The following FOXK2 variants were observed in gnomAD, a reference collection of about 807,000 sequenced individuals.
The protein encoded by FOXK2 is forkhead box protein K2.
In FOXK2, 24 loss-of-function variants were observed where a neutral mutation model predicts 53.3. The ratio of observed to expected loss-of-function variants is 0.45; its 90% CI spans 0.33 to 0.63. The LOEUF (loss-of-function observed/expected upper bound fraction) is 0.63, where lower values mean the gene tolerates loss of function less well. Ranked by LOEUF, FOXK2 falls within the 30% of genes least tolerant of loss-of-function variation. The pLI, the probability that FOXK2 is intolerant of heterozygous loss-of-function variation, is 0.03. For synonymous variants in FOXK2, 505 were observed against 407.1 expected (o/e 1.24, Z -2.89); for missense variants, 952 against 910.5 (o/e 1.05, Z -0.59).
At chr17:82,563,212 A>G (rs2044816146) in intron 1 of FOXK2, 142 bp from the exon 2 acceptor site, 1 of 752,390 alleles carries the variant, frequency 1.3e-6, no homozygotes, top group African/African-American at 1.8e-5. Flanking sequence ...TTGTTTGGCG[A>G]CTTATAATAA....
At chr17:82,583,221 C>T (rs2045085710) in intron 5 of FOXK2, among the ~76,000 whole-genome samples, 1 of 152,230 alleles carries the variant, frequency 6.6e-6, no homozygotes, top group South Asian at 2.1e-4. Context: ...GACGTTTTTC[C>T]TTTCCCTTGG....
At position 82,582,879 on chromosome 17, in the gene FOXK2, C is replaced by T; in HGVS notation, c.1048C>T (p.Arg350Ter). 1 of 1,613,142 alleles carries T rather than the reference C, an allele frequency of 6.2e-7. No individual in the cohort carries two copies. The highest frequency in any genetic ancestry group is 8.5e-7 in the Non-Finnish European group (1 of 1,179,864). Residue 350 changes from arginine to a stop codon, truncating the protein, a stop_gained, in exon 5 of 9, where the codon CGA (arginine) becomes TGA (stop). Transcript: ENST00000335255. LOFTEE classifies it high-confidence loss of function. The stretch of plus-strand genomic sequence containing the variant: ...ATTAATAGAACAGGCTTTTAGGAAA[C>T]GACGGCCTAGGGGCGTGCCCTGCTT... Reference protein sequence around the residue: ...SKLIEQAFRKRRPRGVPCFRT... With the variant: ...SKLIEQAFRK
chr17:82,581,222 A>G (rs982534000), intron 4 of FOXK2, among the ~76,000 whole-genome samples: 32 of 152,346 alleles, frequency 2.1e-4, no homozygotes, highest in African/African-American at 7.2e-4. Flanking sequence ...AAATGTTTCT[A>G]TGAACCCATG....
At chr17:82,523,367 G>C (rs536564461) in intron 1 of FOXK2, among the ~76,000 whole-genome samples, 11 of 151,982 alleles carry the variant, frequency 7.2e-5, no homozygotes, top group Non-Finnish European at 1.3e-4. Flanking sequence ...TTCCTTTTTT[G>C]TAAGGTATCA....
At chr17:82,531,048 T>C (rs556981628) in intron 1 of FOXK2, among the ~76,000 whole-genome samples, 1 of 152,296 alleles carries the variant, frequency 6.6e-6, no homozygotes, top group East Asian at 1.9e-4. Context: ...GTTCCCACTT[T>C]GCCAAGCTTC....
chr17:82,583,927 C>G, intron 5 of FOXK2, 86 bp from the exon 6 acceptor site: 2 of 1,404,408 alleles, frequency 1.4e-6, no homozygotes, highest in Non-Finnish European at 9.6e-7. Flanking sequence ...ATGACACCCC[C>G]TTTGCAAAGT....
intron 8 of FOXK2, among the ~76,000 whole-genome samples, chr17:82,592,170 G>A (rs2045259022): frequency 6.6e-6 from 1 of 152,238 alleles, no homozygotes; most frequent in Admixed American, 6.5e-5. Flanking sequence ...CTCCCAAAGT[G>A]CTGGGATTAC....
Position 82,587,260 on chromosome 17 carries a change from C to A in FOXK2, c.1774C>A (p.Gln592Lys). 1 of 1,612,730 alleles carries A rather than the reference C, an allele frequency of 6.2e-7. No individual in the cohort carries two copies. The highest frequency in any genetic ancestry group is 8.5e-7 in the Non-Finnish European group (1 of 1,179,756). ...ATCAGTCCCCACTGCGGTCCACGGCCAGGTGAACAATGGTAAGACATGCTG... is the reference window on the plus strand; with the variant it reads ...ATCAGTCCCCACTGCGGTCCACGGCAAGGTGAACAATGGTAAGACATGCTG... ...VASVPTAVHG[Q>K]VNNAAASPLH... is the part of the protein sequence containing the mutation. The change falls in exon 8 of 9, where the codon CAG (glutamine) becomes AAG (lysine). Residue 592 changes from glutamine (Q) to lysine (K), a missense_variant. Physicochemically the swap from Gln to Lys is moderately conservative, Grantham distance 53. Coordinates refer to ENST00000335255, the MANE Select transcript of FOXK2 (RefSeq NM_004514.4).
chr17:82,587,598 G>T (rs2045203560), intron 8 of FOXK2: 3 of 395,226 alleles, frequency 7.6e-6, no homozygotes, highest in South Asian at 4.4e-5. Flanking sequence ...CTTTTCCCTT[G>T]GCCTCGCGCG....
At chr17:82,521,037 G>A (rs2044357021) in intron 1 of FOXK2, among the ~76,000 whole-genome samples, 1 of 152,150 alleles carries the variant, frequency 6.6e-6, no homozygotes, top group South Asian at 2.1e-4. Context: ...AATTTAGCTT[G>A]GTCCTGTGGT....
At chr17:82,539,479 T>G (rs1413713858) in intron 1 of FOXK2, among the ~76,000 whole-genome samples, 1 of 151,734 alleles carries the variant, frequency 6.6e-6, no homozygotes, top group Non-Finnish European at 1.5e-5. Flanking sequence ...GGACCCTGTC[T>G]CTACAAAAAA....
intron 1 of FOXK2, among the ~76,000 whole-genome samples, chr17:82,522,014 G>T (rs1304495606): frequency 6.7e-6 from 1 of 148,976 alleles, no homozygotes. Context: ...TCAATGGTAG[G>T]GTCCTAATGG....
At chr17:82,545,432 AT>A (rs1277971136) in intron 1 of FOXK2, among the ~76,000 whole-genome samples, 1 of 152,212 alleles carries the variant, frequency 6.6e-6, no homozygotes, top group African/African-American at 2.4e-5. Flanking sequence ...GCTATTGGCC[AT>A]TCTCATTACT....
chr17:82,547,343 A>T (rs191376308), intron 1 of FOXK2, among the ~76,000 whole-genome samples: 3 of 152,158 alleles, frequency 2.0e-5, no homozygotes, highest in Non-Finnish European at 4.4e-5. Flanking sequence ...AGTATTGTCT[A>T]CACTAACAAG....
chr17:82,530,615 A>G (rs778973625), intron 1 of FOXK2, among the ~76,000 whole-genome samples: 9 of 150,938 alleles, frequency 6.0e-5, no homozygotes, highest in African/African-American at 2.2e-4. Context: ...GGTTCAAACA[A>G]TTCTCCTGCC....
chr17:82,533,659 A>G (rs574841947), intron 1 of FOXK2, among the ~76,000 whole-genome samples: 54 of 152,292 alleles, frequency 3.5e-4, no homozygotes, highest in Non-Finnish European at 5.0e-4. Flanking sequence ...TCATTGCACT[A>G]TGACATCACA....
chr17:82,586,147 T>G lies in FOXK2; in HGVS notation c.1523T>G (p.Leu508Arg). ...GQAVVTPAAVLAPPKAEAQEN... is the reference protein window; with the variant it reads ...GQAVVTPAAVRAPPKAEAQEN... ...GCTGTGGTCACCCCGGCAGCCGTGC[T>G]GGCCCCTCCTAAGGCAGAGGCCCAG... is the stretch of plus-strand genomic sequence containing the variant. Residue 508 changes from leucine to arginine, a missense_variant, in exon 7 of 9, where the codon CTG becomes CGG. Leu to Arg is a moderately radical substitution (Grantham distance 102). Coordinates refer to ENST00000335255, the MANE Select transcript of FOXK2 (RefSeq NM_004514.4). The G allele has an allele frequency of 6.2e-7, 1 of 1,612,354 alleles. No homozygotes were observed. The highest frequency in any genetic ancestry group is 8.5e-7 in the Non-Finnish European group (1 of 1,179,870).
intron 1 of FOXK2, among the ~76,000 whole-genome samples, chr17:82,522,280 C>T (rs2044371033): frequency 6.6e-6 from 1 of 151,888 alleles, no homozygotes; most frequent in Non-Finnish European, 1.5e-5. Context: ...TATGATTGCA[C>T]CACTGCATTC....
At chr17:82,526,817 C>T (rs1411238179) in intron 1 of FOXK2, among the ~76,000 whole-genome samples, 4 of 143,234 alleles carry the variant, frequency 2.8e-5, no homozygotes, top group Admixed American at 7.2e-5. Flanking sequence ...GGCGACAGAG[C>T]GAGACTCCGT....
Sources: allele counts gnomAD v4.1 joint callset (sites outside exome capture counted in the v4.1 genomes callset), GRCh38; gene constraint gnomAD v4.1.1; transcripts MANE v1.5; gene names NCBI Gene and HGNC (gene_info 2026-07-23, HGNC 2026-07-21).